The following CCDC148 variants were observed in gnomAD, a reference collection of about 807,000 sequenced individuals.
CCDC148 encodes coiled-coil domain-containing protein 148.
CCDC148 carries 89 observed loss-of-function variants against 85.7 expected under a neutral mutation model. The ratio of observed to expected loss-of-function variants is 1.04; its 90% confidence interval spans 0.87 to 1.24. The LOEUF is 1.24. CCDC148 is among the 50% of genes most tolerant of loss of function. CCDC148 has a pLI of 0.00. For synonymous variants in CCDC148, 230 were observed against 213.9 expected (o/e 1.08, Z -0.66); for missense variants, 692 against 671.7 (o/e 1.03, Z -0.33).
At chr2:158,308,199 C>T (rs111435924) in intron 9 of CCDC148, among the ~76,000 whole-genome samples, 1 of 152,304 alleles carries the variant, frequency 6.6e-6, no homozygotes, top group African/African-American at 2.4e-5. Context: ...GTGCACTTTA[C>T]TACATGTATG....
intron 11 of CCDC148, among the ~76,000 whole-genome samples, chr2:158,208,963 C>T (rs2105289862): frequency 6.6e-6 from 1 of 151,838 alleles, no homozygotes; most frequent in Admixed American, 6.6e-5. Flanking sequence ...TTTAAAAAAA[C>T]CCAGATTATA....
rs1165150227 is a variant in CCDC148, at chr2:158,426,451, G to A, written c.25+29964C>T. On this transcript the variant is annotated intron_variant, in intron 1 of 13. Coordinates refer to ENST00000283233, the MANE Select transcript of CCDC148 (RefSeq NM_138803.4). ...GCATTTGCATATTCAGATGTAGGAA[G>A]GAATAGTGCAAAAGGTAAGTCTTAG... Among the ~76,000 whole-genome samples the A allele has an allele frequency of 2.6e-5, 4 of 152,238 alleles. No individual in the cohort carries two copies. The East Asian group carries it at 7.7e-4, about 29-fold the overall frequency.
rs1449957880 is a variant in CCDC148 at position 158,456,734 on chromosome 2, T to G, written c.-295A>C. On this transcript the variant is annotated 5_prime_UTR_variant, in exon 1 of 14. Transcript: ENST00000283233. ...CCACCCTCTCCAGGCCCTCTCGCGCTGAACAGCATCGGTCTCTATGGCGAC... is the reference window on the plus strand; with the variant it reads ...CCACCCTCTCCAGGCCCTCTCGCGCGGAACAGCATCGGTCTCTATGGCGAC... 2.2e-6 allele frequency: 1 copy of G among 446,708 alleles called. No individual in the cohort carries two copies. 27.7% of individuals were successfully genotyped at this position (446,708 alleles called of 1,614,324 possible).
chr2:158,361,582 T>C (rs986061513), intron 1 of CCDC148, among the ~76,000 whole-genome samples: 15 of 152,082 alleles, frequency 9.9e-5, no homozygotes, highest in African/African-American at 3.6e-4. Flanking sequence ...CTAAGCTTCA[T>C]AAGTGAAGGA....
chr2:158,329,723 C>A (rs964368483), intron 7 of CCDC148, among the ~76,000 whole-genome samples: 1 of 152,068 alleles, frequency 6.6e-6, no homozygotes, highest in Non-Finnish European at 1.5e-5. Flanking sequence ...AGAGGTCCTT[C>A]ACGTCCCTTG....
chr2:158,374,148 A>G (rs1490307765), intron 1 of CCDC148, among the ~76,000 whole-genome samples: 1 of 152,034 alleles, frequency 6.6e-6, no homozygotes, highest in Non-Finnish European at 1.5e-5. Context: ...TGGTCAGTAG[A>G]TTGAGGTATA....
At chr2:158,212,374 T>C (rs1325658404) in intron 11 of CCDC148, among the ~76,000 whole-genome samples, 1 of 152,254 alleles carries the variant, frequency 6.6e-6, no homozygotes, top group Non-Finnish European at 1.5e-5. Context: ...GTGAACCCAC[T>C]TTAAATTTCC....
chr2:158,406,624 T>TTTTTTTTTTTG (rs1686024935), intron 1 of CCDC148, among the ~76,000 whole-genome samples: 1 of 24,832 alleles, frequency 4.0e-5, no homozygotes, highest in Non-Finnish European at 8.6e-5. Flanking sequence ...TTTTTTTTTT[T>TTTTTTTTTTTG]TTTTTTTTTT....
chr2:158,352,340 A>T (rs1009856749), intron 2 of CCDC148, among the ~76,000 whole-genome samples: 9 of 152,136 alleles, frequency 5.9e-5, no homozygotes, highest in Admixed American at 2.6e-4. Context: ...AAAATTTAGA[A>T]GAATGTATAA....
intron 11 of CCDC148, among the ~76,000 whole-genome samples, chr2:158,181,324 C>T (rs1558962032): frequency 6.6e-6 from 1 of 152,102 alleles, no homozygotes; most frequent in East Asian, 1.9e-4. Context: ...AAGGCTGACT[C>T]ATCATTTACT....
At chr2:158,281,117 C>T (rs1170302513) in intron 9 of CCDC148, among the ~76,000 whole-genome samples, 3 of 152,130 alleles carry the variant, frequency 2.0e-5, no homozygotes, top group Admixed American at 1.3e-4. Context: ...CTCTGGGACA[C>T]ATTCAAAGCA....
chr2:158,227,254 G>C (rs1029829117), intron 10 of CCDC148, among the ~76,000 whole-genome samples: 1 of 150,746 alleles, frequency 6.6e-6, no homozygotes, highest in African/African-American at 2.4e-5. Flanking sequence ...TACAAGGGAC[G>C]TCAAGGACCT....
At chr2:158,285,555 G>T (rs1022003410) in intron 9 of CCDC148, among the ~76,000 whole-genome samples, 1 of 150,038 alleles carries the variant, frequency 6.7e-6, no homozygotes, top group Admixed American at 6.6e-5. Context: ...TTTTGAGACG[G>T]AGTCTTGCTC....
chr2:158,209,013 A>G (rs1686407994), intron 11 of CCDC148, among the ~76,000 whole-genome samples: 2 of 151,988 alleles, frequency 1.3e-5, no homozygotes, highest in African/African-American at 4.8e-5. Flanking sequence ...CTTATTTAAT[A>G]TCATCTGATG....
At chr2:158,425,338 C>G in intron 1 of CCDC148, 8 of 504,542 alleles carry the variant, frequency 1.6e-5, no homozygotes, top group South Asian at 1.1e-4. Context: ...GGAGATGATG[C>G]TAAAATAACC....
intron 11 of CCDC148, among the ~76,000 whole-genome samples, chr2:158,183,946 G>T (rs1361037425): frequency 6.6e-6 from 1 of 152,156 alleles, no homozygotes; most frequent in East Asian, 1.9e-4. Flanking sequence ...CAACAGGGAA[G>T]AATGTGCAGA....
chr2:158,392,220 G>A (rs971411438), intron 1 of CCDC148, among the ~76,000 whole-genome samples: 1 of 151,984 alleles, frequency 6.6e-6, no homozygotes, highest in Admixed American at 6.6e-5. Flanking sequence ...CATATAATAT[G>A]GTCCAGTCAT....
intron 9 of CCDC148, among the ~76,000 whole-genome samples, chr2:158,282,911 G>A (rs1028182329): frequency 6.6e-6 from 1 of 152,142 alleles, no homozygotes; most frequent in Non-Finnish European, 1.5e-5. Flanking sequence ...AAACAGCATG[G>A]TACTTGTACC....
At chr2:158,411,418 G>C (rs928913654) in intron 1 of CCDC148, among the ~76,000 whole-genome samples, 1 of 151,854 alleles carries the variant, frequency 6.6e-6, no homozygotes, top group Non-Finnish European at 1.5e-5. Flanking sequence ...ATAGTTTCAA[G>C]TAACTTGTAT....
Sources: gnomAD v4.1 joint callset for allele counts (sites outside exome capture counted in the v4.1 genomes callset) on GRCh38, gnomAD v4.1.1 for gene constraint, MANE v1.5 for transcripts, NCBI Gene and HGNC (gene_info 2026-07-23, HGNC 2026-07-21) for gene names.